The following NTSR1 variants were observed in gnomAD, a reference collection of about 807,000 sequenced individuals.
The protein encoded by NTSR1 is neurotensin receptor 1.
NTSR1 carries 29 observed loss-of-function variants against 31.2 expected under a neutral mutation model. The ratio of observed to expected loss-of-function variants is 0.93; its 90% CI spans 0.69 to 1.27. The LOEUF (loss-of-function observed/expected upper bound fraction) is 1.27. Among genes scored for constraint, NTSR1 ranks in the 50% most tolerant of loss-of-function variants. NTSR1 has a pLI of 0.00. For missense variants in NTSR1, 697 were observed against 595.4 expected, an observed-to-expected ratio of 1.17 and a Z score of -1.78; for synonymous variants, 282 against 269.9, an observed-to-expected ratio of 1.04 and a Z score of -0.44.
At chr20:62,726,489 G>GCCCA (rs1988908820) in intron 1 of NTSR1, among the ~76,000 whole-genome samples, 1 of 152,180 alleles carries the variant, frequency 6.6e-6, no homozygotes, top group Admixed American at 6.5e-5. Flanking sequence ...CCCACTGCCT[G>GCCCA]CCCACCGGTC....
At chr20:62,754,648 T>A (rs376058313) in intron 1 of NTSR1, 37 bp from the exon 2 acceptor site, 22 of 1,565,338 alleles carry the variant, frequency 1.4e-5, no homozygotes, top group African/African-American at 4.1e-5. Context: ...TGAGTCCCGC[T>A]GCTGGCTCTG....
In NTSR1 at chr20:62,760,251, G is replaced by A. The variant is rs766991609; in HGVS notation, c.1241G>A (p.Arg414His). ...CACACCCTCTCCAGCAATGCCACCC[G>A]CGAGACGCTGTACTAGGCTGTGCGC... Reference protein sequence around the residue: ...SNHTLSSNATRETLY With the variant: ...SNHTLSSNATHETLY Residue 414 changes from arginine to histidine, a missense_variant, in exon 4 of 4, where the codon CGC becomes CAC. Arg to His is a conservative substitution (Grantham distance 29). Coordinates refer to ENST00000370501, the MANE Select transcript of NTSR1 (RefSeq NM_002531.3). The A allele has an allele frequency of 4.0e-5, 65 of 1,611,964 alleles. No homozygotes were observed. The Admixed American group carries it at 5.3e-4, about 13-fold the overall frequency.
intron 1 of NTSR1, among the ~76,000 whole-genome samples, chr20:62,724,598 AC>A (rs1988875238): frequency 6.6e-6 from 1 of 152,074 alleles, no homozygotes; most frequent in South Asian, 2.1e-4. Flanking sequence ...CTGTGTTTTG[AC>A]AGCTCCAACC....
At chr20:62,725,179 T>C (rs1988885556) in intron 1 of NTSR1, among the ~76,000 whole-genome samples, 1 of 152,052 alleles carries the variant, frequency 6.6e-6, no homozygotes, top group Admixed American at 6.5e-5. Context: ...GAGCCCCAGA[T>C]AAGTGCAAGG....
chr20:62,758,447 A>C lies in NTSR1; in HGVS notation c.1007+91A>C. On this transcript the variant is annotated intron_variant, in intron 3 of 3. Transcript: ENST00000370501. The surrounding 1 kb of genome is among the most constrained non-coding windows in gnomAD (Gnocchi z 4.5). ...GTGGCAGGCACTGCTGAGGGGATCC[A>C]CTCAGGGCAGGGGTGTGGTGAGTCC... is the stretch of plus-strand genomic sequence containing the variant. 2 of 1,197,018 alleles carry C rather than the reference A, an allele frequency of 1.7e-6. No individual in the cohort carries two copies. The highest frequency in any genetic ancestry group is 2.4e-6 in the Non-Finnish European group (2 of 822,002). The allele number at this position is 1,197,018 out of a possible 1,614,324, so 74.1% of individuals were successfully genotyped here.
At chr20:62,727,362 C>A (rs190515633) in intron 1 of NTSR1, among the ~76,000 whole-genome samples, 175 of 152,334 alleles carry the variant, frequency 1.1e-3, no homozygotes, top group African/African-American at 3.9e-3. Context: ...CAAGTCCCAG[C>A]CCAGAGTGCC....
chr20:62,744,320 C>T lies in NTSR1; in HGVS notation c.715-10365C>T, dbSNP rs1210216876. 6.6e-6 allele frequency among the ~76,000 whole-genome samples: 1 copy of T among 152,064 alleles called. No homozygotes were observed. ...TTGTAATCCCAGCACTTTGGGAGGC[C>T]GAGGTGGGCGGGTCATGAGGTCAGG... On this transcript the variant is annotated intron_variant, in intron 1 of 3. Coordinates refer to ENST00000370501, the MANE Select transcript of NTSR1 (RefSeq NM_002531.3). This position sits in a 1 kb window ranked among gnomAD's most constrained non-coding sequence, Gnocchi z 4.1.
chr20:62,730,243 C>T (rs1013711829), intron 1 of NTSR1, among the ~76,000 whole-genome samples: 1 of 152,186 alleles, frequency 6.6e-6, no homozygotes, highest in African/African-American at 2.4e-5. Flanking sequence ...ATCCTTGGAG[C>T]TCCACCTGTT....
At chr20:62,727,687 C>CA (rs1988932452) in intron 1 of NTSR1, among the ~76,000 whole-genome samples, 2 of 152,208 alleles carry the variant, frequency 1.3e-5, no homozygotes, top group South Asian at 4.1e-4. Flanking sequence ...GGTTTCATCA[C>CA]AAAACCTGTG....
intron 1 of NTSR1, among the ~76,000 whole-genome samples, chr20:62,718,259 C>T (rs1301707789): frequency 1.3e-5 from 2 of 151,908 alleles, no homozygotes; most frequent in Non-Finnish European, 2.9e-5. Flanking sequence ...GTTCTGACTG[C>T]TTTGTGGAGA....
rs189181787 is a variant in NTSR1, at chr20:62,754,142, C to G, written c.715-543C>G. 1.2e-4 allele frequency among the ~76,000 whole-genome samples: 19 copies of G among 152,256 alleles called. No homozygotes were observed. The East Asian group carries it at 3.1e-3, about 25-fold the overall frequency. On this transcript the variant is annotated intron_variant, in intron 1 of 3. Coordinates refer to ENST00000370501, the MANE Select transcript of NTSR1 (RefSeq NM_002531.3). Reference sequence around the variant, plus strand: ...AGGTGCTGATAACAGGGGCCCTATACCTTTCAATGCTCTGAGAGGTAGCTG... The same window carrying G: ...AGGTGCTGATAACAGGGGCCCTATAGCTTTCAATGCTCTGAGAGGTAGCTG...
rs1056406407 is a variant in NTSR1 at position 62,741,036 on chromosome 20, G to A, written c.715-13649G>A. On this transcript the variant is annotated intron_variant, in intron 1 of 3. Coordinates refer to ENST00000370501, the MANE Select transcript of NTSR1 (RefSeq NM_002531.3). This position sits in a 1 kb window ranked among gnomAD's most constrained non-coding sequence, Gnocchi z 4.3. ...GGCCAGGCTCAGCGAGGGGAGGGCC[G>A]TTCCCGGGGCTGAGGGCCAGGGGCC... is the stretch of plus-strand genomic sequence containing the variant. Among the ~76,000 whole-genome samples the A allele has an allele frequency of 1.3e-5, 2 of 152,204 alleles. No homozygotes were observed. The highest frequency in any genetic ancestry group is 6.5e-5 in the Admixed American group (1 of 15,290).
At chr20:62,740,053 C>G (rs1376534962) in intron 1 of NTSR1, among the ~76,000 whole-genome samples, 1 of 152,256 alleles carries the variant, frequency 6.6e-6, no homozygotes, top group African/African-American at 2.4e-5. Flanking sequence ...TGCACAAACT[C>G]CCCGGAAACC....
chr20:62,709,048 T>TGGCGCTTCC lies in NTSR1; in HGVS notation c.-158_-157insCGCTTCCGG. 1.9e-6 allele frequency: 1 copy of TGGCGCTTCC among 515,628 alleles called. No individual in the cohort carries two copies. Among genetic ancestry groups the TGGCGCTTCC allele is most frequent in the Non-Finnish European group, 3.2e-6 (1 of 313,702 alleles). 31.9% of individuals were successfully genotyped at this position (515,628 alleles called of 1,614,324 possible). A position where few individuals can be genotyped will look rare whatever the true frequency, so the allele number is the denominator to read the frequency against. On this transcript the variant is annotated 5_prime_UTR_variant, in exon 1 of 4. Coordinates refer to ENST00000370501, the MANE Select transcript of NTSR1 (RefSeq NM_002531.3). Reference sequence around the variant, plus strand: ...AGCCCGGAGCCCGGGGCGGCGCGTCTGGGTCTGGCGCTTCCCGACTGGACG... The same window carrying TGGCGCTTCC: ...AGCCCGGAGCCCGGGGCGGCGCGTCTGGCGCTTCCGGGTCTGGCGCTTCCCGACTGGACG...
At chr20:62,734,174 C>A (rs781433102) in intron 1 of NTSR1, among the ~76,000 whole-genome samples, 9 of 152,054 alleles carry the variant, frequency 5.9e-5, no homozygotes, top group Non-Finnish European at 1.2e-4. Flanking sequence ...TGGGTTACTA[C>A]TGAGTTCACT....
In NTSR1 at chr20:62,759,774, CA is replaced by C. The variant is rs11403481; in HGVS notation, c.1008-229del. ...TGGGAGACAGAGCGAGACTCCGTCT[CA>C]AAAAAAAAAAAAAAGCAGCAGCAGC... On this transcript the variant is annotated intron_variant, in intron 3 of 3. Transcript: ENST00000370501. 7.2e-3 allele frequency among the ~76,000 whole-genome samples: 944 copies of C among 131,172 alleles called. 9 individuals carry two copies. Among genetic ancestry groups the C allele is most frequent in the African/African-American group, 0.026 (845 of 32,534 alleles). 86.1% of individuals were successfully genotyped at this position (131,172 alleles called of 152,430 possible).
intron 1 of NTSR1, among the ~76,000 whole-genome samples, chr20:62,752,000 C>T (rs1331898808): frequency 6.6e-6 from 1 of 152,222 alleles, no homozygotes; most frequent in Non-Finnish European, 1.5e-5. Context: ...GCAAGGCTGA[C>T]GCTCCCTTGT....
Position 62,744,124 on chromosome 20 carries a change from G to A in NTSR1, c.715-10561G>A, listed in dbSNP as rs375928588. On this transcript the variant is annotated intron_variant, in intron 1 of 3. Coordinates refer to ENST00000370501, the MANE Select transcript of NTSR1 (RefSeq NM_002531.3). This position sits in a 1 kb window ranked among gnomAD's most constrained non-coding sequence, Gnocchi z 4.1. Reference sequence around the variant, plus strand: ...TCCCATAGGTCCAGCCCCACCAGCCGTCGCCCCAGCGTGTCCCATCCCAGC... The same window carrying A: ...TCCCATAGGTCCAGCCCCACCAGCCATCGCCCCAGCGTGTCCCATCCCAGC... 2.6e-5 allele frequency among the ~76,000 whole-genome samples: 4 copies of A among 152,154 alleles called. No homozygotes were observed. Among genetic ancestry groups the A allele is most frequent in the South Asian group, 2.1e-4 (1 of 4,832 alleles).
intron 2 of NTSR1, chr20:62,756,839 T>A (rs550517585): frequency 2.6e-5 from 4 of 152,384 alleles, no homozygotes; most frequent in African/African-American, 7.2e-5. Flanking sequence ...CTCCAGTGAT[T>A]TAAGATTAAT....
Sources: gnomAD v4.1 joint callset for allele counts (sites outside exome capture counted in the v4.1 genomes callset) on GRCh38, gnomAD v4.1.1 for gene constraint, Gnocchi (gnomAD v3.1) non-coding constraint, MANE v1.5 for transcripts, NCBI Gene and HGNC (gene_info 2026-07-23, HGNC 2026-07-21) for gene names.